Variants in GPR37L1 observed in about 807,000 individuals in gnomAD.
The protein encoded by GPR37L1 is G protein-coupled receptor 37-like 1.
A neutral mutation model predicts 18.0 loss-of-function variants in GPR37L1; 18 were observed. That is an observed-to-expected ratio of 1.00 (90% CI 0.69 to 1.49). GPR37L1 has a LOEUF of 1.49. Ranked by LOEUF, GPR37L1 falls within the 40% of genes most tolerant of loss-of-function variation. The pLI, the probability that GPR37L1 is intolerant of heterozygous loss-of-function variation, is 0.00. For synonymous variants in GPR37L1, 256 were observed against 273.9 expected, an observed-to-expected ratio of 0.93 and a Z score of 0.65; for missense variants, 558 against 615.1, an observed-to-expected ratio of 0.91 and a Z score of 0.98.
chr1:202,123,727 C>G, intron 1 of GPR37L1, 134 bp downstream of exon 1: 1 of 801,592 alleles, frequency 1.2e-6, no homozygotes, highest in South Asian at 1.7e-5. Context: ...ACTTGCTCCT[C>G]CTTTACCTTG....
rs774875744 is a variant in GPR37L1 at position 202,123,230 on chromosome 1, C to T, written c.267C>T (p.Pro89=). The change falls in exon 1 of 2, where the codon CCC becomes CCT. Residue 89 remains proline (P), a synonymous_variant. Coordinates refer to ENST00000367282, the MANE Select transcript of GPR37L1 (RefSeq NM_004767.5). ...TKPLVATSPN[P]GKDGGTPDSG... Reference sequence around the variant, plus strand: ...CCTTGGTGGCCACCAGCCCTAACCCCGGCAAGGATGGGGGCACCCCAGACA... The same window carrying T: ...CCTTGGTGGCCACCAGCCCTAACCCTGGCAAGGATGGGGGCACCCCAGACA... The T allele has an allele frequency of 1.4e-5, 22 of 1,613,828 alleles. No individual in the cohort carries two copies. Among genetic ancestry groups the T allele is most frequent in the African/African-American group, 8.0e-5 (6 of 74,948 alleles).
rs934474298 is a variant in GPR37L1 at position 202,127,349 on chromosome 1, C to T, written c.631-392C>T. 4.0e-5 allele frequency among the ~76,000 whole-genome samples: 6 copies of T among 149,484 alleles called. 1 individual carries two copies. Among genetic ancestry groups the T allele is most frequent in the Non-Finnish European group, 8.9e-5 (6 of 67,756 alleles). On this transcript the variant is annotated intron_variant, in intron 1 of 1. Coordinates refer to ENST00000367282, the MANE Select transcript of GPR37L1 (RefSeq NM_004767.5). ...TTCCTTGTTTCCACAGGGTTTTGCT[C>T]TGTCACCCAGGCTGGAGTGCAGTGT...
At chr1:202,125,600 G>A (rs1025173994) in intron 1 of GPR37L1, among the ~76,000 whole-genome samples, 2 of 152,194 alleles carry the variant, frequency 1.3e-5, no homozygotes, top group East Asian at 3.8e-4. Flanking sequence ...CACACCTCCT[G>A]GAGGATAGAG....
At chr1:202,127,679 C>A in intron 1 of GPR37L1, 62 bp from the exon 2 acceptor site, 1 of 1,195,504 alleles carries the variant, frequency 8.4e-7, no homozygotes, top group Non-Finnish European at 1.2e-6. Flanking sequence ...AGCCAGGTGT[C>A]CTTCCTTGTC....
Position 202,127,996 on chromosome 1 carries a change from G to A in GPR37L1, c.886G>A (p.Glu296Lys), listed in dbSNP as rs767987863. 170 of 1,613,946 alleles carry A rather than the reference G, an allele frequency of 1.1e-4. No homozygotes were observed. Among genetic ancestry groups the A allele is most frequent in the Non-Finnish European group, 1.3e-4 (154 of 1,180,018 alleles). Residue 296 changes from glutamate to lysine, a missense_variant, in exon 2 of 2, where the codon GAG (glutamate) becomes AAG (lysine). Transcript: ENST00000367282. ...CATGAAACCCTCAGCCAGCCTGCCC[G>A]AGTCCCTGTATTCACTGGTGATGAC... The part of the protein sequence containing the change: ...CIMKPSASLP[E>K]SLYSLVMTYQ...
At chr1:202,127,229 G>A (rs1442922971) in intron 1 of GPR37L1, among the ~76,000 whole-genome samples, 2 of 152,158 alleles carry the variant, frequency 1.3e-5, no homozygotes, top group Non-Finnish European at 2.9e-5. Context: ...CCGACCCATA[G>A]GAAATGCTCA....
chr1:202,123,195 C>T lies in GPR37L1; in HGVS notation c.232C>T (p.Pro78Ser), dbSNP rs1220598170. ...GCCCATTCACCCTGCTGGCCTGCAGCCAACCAAGCCCTTGGTGGCCACCAG... is the reference window on the plus strand; with the variant it reads ...GCCCATTCACCCTGCTGGCCTGCAGTCAACCAAGCCCTTGGTGGCCACCAG... The part of the protein sequence containing the change: ...PRPIHPAGLQ[P>S]TKPLVATSPN... The change falls in exon 1 of 2, where the codon CCA becomes TCA. Residue 78 changes from proline to serine, a missense_variant. Physicochemically the swap from Pro to Ser is moderately conservative, Grantham distance 74. Coordinates refer to ENST00000367282, the MANE Select transcript of GPR37L1 (RefSeq NM_004767.5). 1 of 1,613,546 alleles carries T rather than the reference C, an allele frequency of 6.2e-7. No individual in the cohort carries two copies. Among genetic ancestry groups the T allele is most frequent in the Non-Finnish European group, 8.5e-7 (1 of 1,179,748 alleles).
rs143981483 is a variant in GPR37L1 at position 202,127,760 on chromosome 1, C to G, written c.650C>G (p.Thr217Arg). ...PFMEVSSLGV[T>R]TFSLCALGID... ...CCACAGGTCTCCTCTCTGGGAGTCA[C>G]GACTTTCAGCCTCTGTGCCCTGGGC... is the stretch of plus-strand genomic sequence containing the variant. Residue 217 changes from threonine (T) to arginine (R), a missense_variant, in exon 2 of 2, where the codon ACG becomes AGG. By Grantham distance (71) the Thr-to-Arg change is moderately conservative (BLOSUM62 -1). Coordinates refer to ENST00000367282, the MANE Select transcript of GPR37L1 (RefSeq NM_004767.5). 2 of 1,578,666 alleles carry G rather than the reference C, an allele frequency of 1.3e-6. No individual in the cohort carries two copies. The highest frequency in any genetic ancestry group is 1.7e-6 in the Non-Finnish European group (2 of 1,160,246).
Position 202,128,709 on chromosome 1 carries a change from C to T in GPR37L1, c.*153C>T. 1 of 606,274 alleles carries T rather than the reference C, an allele frequency of 1.6e-6. No individual in the cohort carries two copies. Among genetic ancestry groups the T allele is most frequent in the Non-Finnish European group, 2.9e-6 (1 of 340,088 alleles). 37.6% of individuals were successfully genotyped at this position (606,274 alleles called of 1,614,324 possible). Reference sequence around the variant, plus strand: ...GGTTTGGGAATGTCAAAGCCCCCTCCCCACACAGGGCCTTTCCTGTCCCTT... The same window carrying T: ...GGTTTGGGAATGTCAAAGCCCCCTCTCCACACAGGGCCTTTCCTGTCCCTT... On this transcript the variant is annotated 3_prime_UTR_variant, in exon 2 of 2. Coordinates refer to ENST00000367282, the MANE Select transcript of GPR37L1 (RefSeq NM_004767.5).
At chr1:202,124,500 A>G (rs6676433) in intron 1 of GPR37L1, among the ~76,000 whole-genome samples, 11,466 of 152,348 alleles carry the variant, frequency 0.075, 549 homozygotes, top group African/African-American at 0.13. Flanking sequence ...CTGCAGAAAC[A>G]TACTGATGTG....
At chr1:202,124,532 A>G (rs1654604495) in intron 1 of GPR37L1, among the ~76,000 whole-genome samples, 1 of 152,270 alleles carries the variant, frequency 6.6e-6, no homozygotes, top group Non-Finnish European at 1.5e-5. Flanking sequence ...AAGACACAGC[A>G]AGGCCACCCT....
In GPR37L1 at chr1:202,128,816, C is replaced by T. The variant is rs1654753763; in HGVS notation, c.*260C>T. On this transcript the variant is annotated 3_prime_UTR_variant, in exon 2 of 2. Coordinates refer to ENST00000367282, the MANE Select transcript of GPR37L1 (RefSeq NM_004767.5). ...TAGAACTGCCCAGAAACTCTGAGTC[C>T]CAGCAGCTGGGAGCCAGAACTTTGC... The T allele has an allele frequency of 1.4e-5, 5 of 363,964 alleles. No individual in the cohort carries two copies. The South Asian group carries it at 4.1e-4, about 30-fold the overall frequency. 22.5% of individuals were successfully genotyped at this position (363,964 alleles called of 1,614,324 possible).
intron 1 of GPR37L1, among the ~76,000 whole-genome samples, chr1:202,125,776 C>A (rs570420140): frequency 2.0e-5 from 3 of 152,142 alleles, no homozygotes; most frequent in Non-Finnish European, 4.4e-5. Context: ...GAGTGGAATG[C>A]CGTGGTGTAA....
chr1:202,127,835 T>C lies in GPR37L1; in HGVS notation c.725T>C (p.Ile242Thr), dbSNP rs376572507. ...AGCACCCTGCCCAAGGTGAGGCCCA[T>C]CGAGCGGTGCCAATCCATCCTGGCC... ...ATSTLPKVRP[I>T]ERCQSILAKL... Residue 242 changes from isoleucine to threonine, a missense_variant, in exon 2 of 2, where the codon ATC becomes ACC. By Grantham distance (89) the Ile-to-Thr change is moderately conservative. Coordinates refer to ENST00000367282, the MANE Select transcript of GPR37L1 (RefSeq NM_004767.5). 7 of 1,613,786 alleles carry C rather than the reference T, an allele frequency of 4.3e-6. No individual in the cohort carries two copies. In the African/African-American group the frequency reaches 9.3e-5, roughly 22 times the overall value.
rs1316012750 is a variant in GPR37L1 at position 202,131,892 on chromosome 1, A to G, written c.*3336A>G. The G allele has an allele frequency of 6.7e-6, 1 of 149,772 alleles. No homozygotes were observed. The highest frequency in any genetic ancestry group is 1.5e-5 in the Non-Finnish European group (1 of 67,604). The allele number at this position is 149,772 out of a possible 1,614,324, so 9.3% of individuals were successfully genotyped here. ...GCTGGGACTACAGGTGCGCACTACC[A>G]CGCCTGTCTAATTTTTGATTATTTG... On this transcript the variant is annotated 3_prime_UTR_variant, in exon 2 of 2. Coordinates refer to ENST00000367282, the MANE Select transcript of GPR37L1 (RefSeq NM_004767.5).
chr1:202,127,065 C>T (rs1403256835), intron 1 of GPR37L1, among the ~76,000 whole-genome samples: 1 of 152,124 alleles, frequency 6.6e-6, no homozygotes, highest in African/African-American at 2.4e-5. Context: ...GCCTGAGAGG[C>T]AAAGAACAAG....
In GPR37L1 at chr1:202,127,837, G is replaced by C. The variant is rs547892938; in HGVS notation, c.727G>C (p.Glu243Gln). Residue 243 changes from glutamate to glutamine, a missense_variant, in exon 2 of 2, where the codon GAG (glutamate) becomes CAG (glutamine). Transcript: ENST00000367282. ...TSTLPKVRPI[E>Q]RCQSILAKLA... Reference sequence around the variant, plus strand: ...CACCCTGCCCAAGGTGAGGCCCATCGAGCGGTGCCAATCCATCCTGGCCAA... The same window carrying C: ...CACCCTGCCCAAGGTGAGGCCCATCCAGCGGTGCCAATCCATCCTGGCCAA... 1 of 1,613,892 alleles carries C rather than the reference G, an allele frequency of 6.2e-7. No homozygotes were observed. The highest frequency in any genetic ancestry group is 8.5e-7 in the Non-Finnish European group (1 of 1,179,954).
chr1:202,126,733 T>C (rs1207245488), intron 1 of GPR37L1, among the ~76,000 whole-genome samples: 1 of 151,946 alleles, frequency 6.6e-6, no homozygotes, highest in Non-Finnish European at 1.5e-5. Context: ...ACGCGCTTGA[T>C]GAATAGAGTG....
chr1:202,128,572 GGGGA>G lies in GPR37L1; in HGVS notation c.*26_*29del, dbSNP rs1172967781. On this transcript the variant is annotated 3_prime_UTR_variant, in exon 2 of 2. Coordinates refer to ENST00000367282, the MANE Select transcript of GPR37L1 (RefSeq NM_004767.5). ...ACCTTGCTGAGGCCCCAGTAGGGGT[GGGGA>G]GGGAGGGAGAGGCCGCCACCCCCGC... 44 of 1,420,114 alleles carry G rather than the reference GGGGA, an allele frequency of 3.1e-5. No individual in the cohort carries two copies. The highest frequency in any genetic ancestry group is 2.5e-4 in the Middle Eastern group (1 of 4,076). 88.0% of individuals were successfully genotyped at this position (1,420,114 alleles called of 1,614,324 possible). A position where few individuals can be genotyped will look rare whatever the true frequency, so the allele number is the denominator to read the frequency against.
Sources: gnomAD v4.1 joint callset for allele counts (sites outside exome capture counted in the v4.1 genomes callset) on GRCh38, gnomAD v4.1.1 for gene constraint, MANE v1.5 for transcripts, NCBI Gene and HGNC (gene_info 2026-07-23, HGNC 2026-07-21) for gene names.